CTNNAL1: variants seen among roughly 807,000 people sequenced by gnomAD.
CTNNAL1 encodes alpha-catulin.
In CTNNAL1, 69 loss-of-function variants were observed where a neutral mutation model predicts 93.6. The observed-to-expected ratio is 0.74, with a 90% CI of 0.61 to 0.90. The LOEUF (loss-of-function observed/expected upper bound fraction) is 0.90. CTNNAL1 is among the 40% of genes least tolerant of loss of function. The pLI is 0.00. For synonymous variants in CTNNAL1, 286 were observed against 305.4 expected (o/e 0.94, Z 0.66); for missense variants, 836 against 862.0 (o/e 0.97, Z 0.38).
chr9:108,959,364 C>CAAAAAAAAAAAAAAAAAAAA (rs36116094), intron 11 of CTNNAL1, among the ~76,000 whole-genome samples: 1 of 55,844 alleles, frequency 1.8e-5, no homozygotes, highest in African/African-American at 8.2e-5. Context: ...GACTCCATAT[C>CAAAAAAAAAAAAAAAAAAAA]AAAAAAAAAA....
chr9:108,998,824 T>C (rs929154439), intron 2 of CTNNAL1, among the ~76,000 whole-genome samples: 1 of 152,174 alleles, frequency 6.6e-6, no homozygotes, highest in African/African-American at 2.4e-5. Flanking sequence ...CTCTCTCACA[T>C]CTCAATGGCT....
At chr9:108,978,774 C>G (rs1831335806) in intron 7 of CTNNAL1, among the ~76,000 whole-genome samples, 1 of 152,198 alleles carries the variant, frequency 6.6e-6, no homozygotes, top group African/African-American at 2.4e-5. Flanking sequence ...AAAGCTTTTA[C>G]TTGCCAGCTG....
intron 2 of CTNNAL1, among the ~76,000 whole-genome samples, chr9:108,993,996 G>A (rs999753794): frequency 1.1e-4 from 16 of 152,162 alleles, no homozygotes; most frequent in Admixed American, 3.3e-4. Flanking sequence ...TTAGGAGGCC[G>A]AGGCGGGTGG....
intron 1 of CTNNAL1, among the ~76,000 whole-genome samples, chr9:109,012,754 G>C (rs551008975): frequency 6.6e-6 from 1 of 152,322 alleles, no homozygotes; most frequent in East Asian, 1.9e-4. Context: ...GGATGAATGG[G>C]AGGCCAGCGA....
intron 4 of CTNNAL1, among the ~76,000 whole-genome samples, chr9:108,986,023 T>C (rs1323632803): frequency 1.3e-5 from 2 of 149,658 alleles, no homozygotes; most frequent in Non-Finnish European, 3.0e-5. Flanking sequence ...GCCACTTTCT[T>C]TTTTTTTTTA....
Position 108,942,818 on chromosome 9 carries a change from T to C in CTNNAL1, c.2156A>G (p.Asn719Ser), listed in dbSNP as rs1427630913. The C allele has an allele frequency of 6.2e-7, 1 of 1,613,812 alleles. No homozygotes were observed. The highest frequency in any genetic ancestry group is 1.1e-5 in the South Asian group (1 of 91,064). Residue 719 changes from asparagine (N) to serine (S), a missense_variant, in exon 19 of 19, where the codon AAC (asparagine) becomes AGC (serine). Physicochemically the swap from Asn to Ser is conservative, Grantham distance 46. Transcript: ENST00000325551. ...KLLKKLQMENNGWVSVTNKDT... is the reference protein window; with the variant it reads ...KLLKKLQMENSGWVSVTNKDT... ...CTTATTTGTAACTGAGACCCATCCG[T>C]TATTTTCCATCTGAAGCTGGAAAGA...
intron 2 of CTNNAL1, among the ~76,000 whole-genome samples, chr9:108,995,902 A>C (rs1831997855): frequency 1.3e-5 from 2 of 151,952 alleles, no homozygotes; most frequent in Admixed American, 1.3e-4. Context: ...TGCCCAATAT[A>C]CCCTGCTTGC....
At chr9:108,945,706 CT>C (rs1357362864) in intron 15 of CTNNAL1, among the ~76,000 whole-genome samples, 12 of 151,332 alleles carry the variant, frequency 7.9e-5, no homozygotes, top group African/African-American at 2.9e-4. Flanking sequence ...AACTCCTGGA[CT>C]CAAGTGATCC....
At chr9:109,003,637 G>A (rs929616249) in intron 1 of CTNNAL1, among the ~76,000 whole-genome samples, 4 of 152,150 alleles carry the variant, frequency 2.6e-5, no homozygotes, top group Non-Finnish European at 5.9e-5. Flanking sequence ...GAACAGGACT[G>A]TATAGCAGTT....
intron 4 of CTNNAL1, among the ~76,000 whole-genome samples, chr9:108,990,472 G>A (rs1831756896): frequency 6.6e-6 from 1 of 152,182 alleles, no homozygotes; most frequent in Non-Finnish European, 1.5e-5. Context: ...AGAAGTACTT[G>A]AGTTGAGCCC....
chr9:108,965,981 A>G (rs2132119872), intron 10 of CTNNAL1, among the ~76,000 whole-genome samples: 1 of 152,366 alleles, frequency 6.6e-6, no homozygotes, highest in South Asian at 2.1e-4. Flanking sequence ...AGTACTTGGT[A>G]GATACATGCT....
chr9:108,996,500 A>G (rs1832026896), intron 2 of CTNNAL1, among the ~76,000 whole-genome samples: 1 of 152,180 alleles, frequency 6.6e-6, no homozygotes, highest in South Asian at 2.1e-4. Context: ...TGTGGAGCCC[A>G]TGAAACCTGA....
chr9:108,944,826 A>G (rs1830353600), intron 15 of CTNNAL1, among the ~76,000 whole-genome samples: 1 of 152,192 alleles, frequency 6.6e-6, no homozygotes, highest in Non-Finnish European at 1.5e-5. Flanking sequence ...CAATAATTCC[A>G]GGGTTAATTT....
chr9:108,985,875 C>T (rs369304593), intron 4 of CTNNAL1, among the ~76,000 whole-genome samples: 9 of 152,242 alleles, frequency 5.9e-5, no homozygotes, highest in African/African-American at 2.2e-4. Flanking sequence ...AAAAAGATGG[C>T]ATCTCAACCT....
chr9:108,966,114 G>A (rs562763351), intron 10 of CTNNAL1, among the ~76,000 whole-genome samples: 4 of 152,056 alleles, frequency 2.6e-5, no homozygotes, highest in East Asian at 1.9e-4. Context: ...TTGAAGCTCC[G>A]AGATACCCAG....
Position 108,972,849 on chromosome 9 carries a change from T to C in CTNNAL1, c.1189-16A>G, listed in dbSNP as rs775112537. ...TACTATGAAGCTGCAGATGTGTGTG[T>C]GGGTGGGGGGGTGGGAGGGTGGAGA... is the stretch of plus-strand genomic sequence containing the variant. On this transcript the variant is annotated splice_polypyrimidine_tract_variant and intron_variant, in intron 8 of 18. Transcript: ENST00000325551. The C allele has an allele frequency of 1.3e-5, 1 of 77,710 alleles. No homozygotes were observed. The highest frequency in any genetic ancestry group is 2.6e-4 in the Admixed American group (1 of 3,876). 4.8% of individuals were successfully genotyped at this position (77,710 alleles called of 1,614,324 possible).
chr9:108,979,505 C>G, intron 6 of CTNNAL1, 24 bp from the exon 7 acceptor site: 1 of 1,609,806 alleles, frequency 6.2e-7, no homozygotes, highest in Non-Finnish European at 8.5e-7. Flanking sequence ...GGACATCTAT[C>G]CATCCATGTG....
intron 14 of CTNNAL1, among the ~76,000 whole-genome samples, chr9:108,949,435 C>T (rs1328345474): frequency 4.6e-5 from 7 of 152,146 alleles, no homozygotes; most frequent in Non-Finnish European, 7.4e-5. Context: ...TGGCCAAGCG[C>T]GGTGGCTCAT....
At chr9:109,002,210 G>A (rs963476214) in intron 1 of CTNNAL1, among the ~76,000 whole-genome samples, 2 of 152,170 alleles carry the variant, frequency 1.3e-5, no homozygotes, top group Admixed American at 1.3e-4. Context: ...TGTCTACTAA[G>A]GACCCATTCC....
Sources: allele counts gnomAD v4.1 joint callset (sites outside exome capture counted in the v4.1 genomes callset), GRCh38; gene constraint gnomAD v4.1.1; transcripts MANE v1.5; gene names NCBI Gene and HGNC (gene_info 2026-07-23, HGNC 2026-07-21).